The following NRP1 variants were observed in gnomAD, a reference collection of about 807,000 sequenced individuals.
The protein encoded by NRP1 is neuropilin-1.
Under a neutral mutation model 106.7 loss-of-function variants are expected in NRP1, and 35 were observed. That is an observed-to-expected ratio of 0.33 (90% confidence interval 0.25 to 0.43). The LOEUF (loss-of-function observed/expected upper bound fraction) is 0.43. Among genes scored for constraint, NRP1 ranks in the 20% least tolerant of loss-of-function variants. NRP1 has a pLI of 1.00. For missense variants in NRP1, 1,024 were observed against 1,170.4 expected, an observed-to-expected ratio of 0.87 and a Z score of 1.83; for synonymous variants, 437 against 417.9, an observed-to-expected ratio of 1.05 and a Z score of -0.56.
At position 33,287,433 on chromosome 10, in the gene NRP1, C is replaced by T. The variant is rs138257609; in HGVS notation, c.249-16577G>A. Among the ~76,000 whole-genome samples, 46 of 152,216 alleles carry T rather than the reference C, an allele frequency of 3.0e-4. No homozygotes were observed. The East Asian group carries it at 8.1e-3, about 27-fold the overall frequency. ...AACAGGAAAGGATTCTTAGCATGTA[C>T]GACATACATAATTTTTGGTGGAAAA... On this transcript the variant is annotated intron_variant, in intron 2 of 16. Transcript: ENST00000374867.
intron 2 of NRP1, among the ~76,000 whole-genome samples, chr10:33,319,941 G>C (rs952021957): frequency 6.6e-6 from 1 of 151,712 alleles, no homozygotes; most frequent in East Asian, 2.0e-4. Flanking sequence ...CCCCAGTTCC[G>C]TTCTTGGTCA....
In NRP1 at chr10:33,199,404, T is replaced by A. The variant is rs1382753343; in HGVS notation, c.1865-1695A>T. 5.1e-3 allele frequency among the ~76,000 whole-genome samples: 551 copies of A among 107,308 alleles called. 3 individuals are homozygous for A. Among genetic ancestry groups the A allele is most frequent in the African/African-American group, 0.019 (506 of 26,366 alleles). 70.4% of individuals were successfully genotyped at this position (107,308 alleles called of 152,430 possible). A position where few individuals can be genotyped will look rare whatever the true frequency, so the allele number is the denominator to read the frequency against. ...ATATATATATATTTTTTTTTTTTTT[T>A]TTTTTTTTTTTTTTTTTGGCGGAGA... On this transcript the variant is annotated intron_variant, in intron 11 of 16. Transcript: ENST00000374867.
Position 33,213,609 on chromosome 10 carries a change from A to C in NRP1, c.1391T>G (p.Leu464Arg), listed in dbSNP as rs200660300. The change falls in exon 9 of 17, where the codon CTG (leucine) becomes CGG (arginine). Residue 464 changes from leucine to arginine, a missense_variant. Transcript: ENST00000374867. ...DRNWMPENIRLVTSRSGWALP... is the reference protein window; with the variant it reads ...DRNWMPENIRRVTSRSGWALP... ...TGCCCAGCCAGAGCGACTGGTTACC[A>C]GGCGGATGTTTTCAGGCATCCAGTT... The C allele has an allele frequency of 6.2e-7, 1 of 1,614,110 alleles. No homozygotes were observed. The highest frequency in any genetic ancestry group is 8.5e-7 in the Non-Finnish European group (1 of 1,180,038).
chr10:33,303,567 CCTTA>C (rs1335717309), intron 2 of NRP1, among the ~76,000 whole-genome samples: 3 of 152,124 alleles, frequency 2.0e-5, no homozygotes, highest in African/African-American at 4.8e-5. Context: ...ATGACCTGGG[CCTTA>C]CTTCATTGTA....
intron 2 of NRP1, among the ~76,000 whole-genome samples, chr10:33,330,212 T>C (rs1848174708): frequency 6.6e-6 from 1 of 152,196 alleles, no homozygotes; most frequent in East Asian, 1.9e-4. Flanking sequence ...GCTTTTTCCA[T>C]GTCAAACTTA....
intron 2 of NRP1, among the ~76,000 whole-genome samples, chr10:33,279,053 T>C (rs570022578): frequency 8.2e-4 from 125 of 152,298 alleles, no homozygotes; most frequent in African/African-American, 2.9e-3. Flanking sequence ...TAATAATTGA[T>C]TGTGCATGGG....
chr10:33,329,391 C>A (rs1426881889), intron 2 of NRP1, among the ~76,000 whole-genome samples: 1 of 152,144 alleles, frequency 6.6e-6, no homozygotes, highest in Non-Finnish European at 1.5e-5. Context: ...ACCAAATGAC[C>A]TCATCTCTCT....
chr10:33,232,636 T>C (rs911695037), intron 6 of NRP1, among the ~76,000 whole-genome samples: 1 of 144,880 alleles, frequency 6.9e-6, no homozygotes, highest in African/African-American at 2.6e-5. Flanking sequence ...CTTTTTCTTT[T>C]CCTTTTTTTT....
chr10:33,217,722 G>A (rs1056784327), intron 8 of NRP1, among the ~76,000 whole-genome samples: 2 of 152,156 alleles, frequency 1.3e-5, no homozygotes, highest in African/African-American at 4.8e-5. Flanking sequence ...TGTCTTGTTT[G>A]TCTGCGTCAA....
chr10:33,213,625 G>T lies in NRP1; in HGVS notation c.1375C>A (p.Pro459Thr), dbSNP rs777648377. Residue 459 changes from proline (P) to threonine (T), a missense_variant, in exon 9 of 17, where the codon CCT (proline) becomes ACT (threonine). By Grantham distance (38) the Pro-to-Thr change is conservative. Around this residue, in one of 5 missense-constraint regions of NRP1, gnomAD observed 562 missense variants for 620.3 expected, o/e 0.91. Coordinates refer to ENST00000374867, the MANE Select transcript of NRP1 (RefSeq NM_003873.7). ...CTGGTTACCAGGCGGATGTTTTCAGGCATCCAGTTTCTGTCCCCTTGGTTG... is the reference window on the plus strand; with the variant it reads ...CTGGTTACCAGGCGGATGTTTTCAGTCATCCAGTTTCTGTCCCCTTGGTTG... The part of the protein sequence containing the change: ...SSNQGDRNWM[P>T]ENIRLVTSRS... 66 of 1,614,100 alleles carry T rather than the reference G, an allele frequency of 4.1e-5. No homozygotes were observed. The highest frequency in any genetic ancestry group is 5.5e-5 in the Non-Finnish European group (65 of 1,180,016).
chr10:33,238,058 T>G (rs1840721670), intron 6 of NRP1, among the ~76,000 whole-genome samples: 1 of 152,194 alleles, frequency 6.6e-6, no homozygotes, highest in Non-Finnish European at 1.5e-5. Flanking sequence ...TCCTTGTAGG[T>G]AAACTTGAAG....
chr10:33,185,596 C>G (rs374641720), intron 15 of NRP1, 32 bp downstream of exon 15: 1 of 1,513,462 alleles, frequency 6.6e-7, no homozygotes, highest in South Asian at 1.1e-5. Flanking sequence ...TGGGCAAGCA[C>G]TCCATTGGTT....
At chr10:33,186,581 G>A in intron 13 of NRP1, 93 bp from the exon 14 acceptor site, 1 of 1,443,896 alleles carries the variant, frequency 6.9e-7, no homozygotes, top group Non-Finnish European at 9.3e-7. Flanking sequence ...AAAGCTTCCT[G>A]CGCTGAGCAC....
intron 6 of NRP1, among the ~76,000 whole-genome samples, chr10:33,242,728 G>A (rs1841113416): frequency 1.3e-5 from 2 of 152,090 alleles, no homozygotes; most frequent in African/African-American, 2.4e-5. Flanking sequence ...TGCACCTGTA[G>A]CCATTTGCCT....
At chr10:33,251,859 G>A (rs1841882559) in intron 6 of NRP1, among the ~76,000 whole-genome samples, 1 of 152,138 alleles carries the variant, frequency 6.6e-6, no homozygotes, top group African/African-American at 2.4e-5. Flanking sequence ...GGAGTGCTGG[G>A]AAGGCAAGAG....
In NRP1 at chr10:33,180,110, TTG is replaced by T; in HGVS notation, c.2736_2737del (p.Asp912GlufsTer36). ...CGAATAAGTACTCTGTGTATTCAGT[TTG>T]TCTTTTTTCAACTTCACACCATCCA... is the stretch of plus-strand genomic sequence containing the variant. On this transcript the variant is annotated frameshift_variant, in exon 17 of 17. Coordinates refer to ENST00000374867, the MANE Select transcript of NRP1 (RefSeq NM_003873.7). LOFTEE classifies it high-confidence loss of function. 1 of 1,614,160 alleles carries T rather than the reference TTG, an allele frequency of 6.2e-7. No individual in the cohort carries two copies. Among genetic ancestry groups the T allele is most frequent in the African/African-American group, 1.3e-5 (1 of 75,030 alleles).
chr10:33,179,960 G>C lies in NRP1; in HGVS notation c.*116C>G. 2.9e-6 allele frequency: 3 copies of C among 1,042,296 alleles called. No individual in the cohort carries two copies. The highest frequency in any genetic ancestry group is 4.3e-6 in the Non-Finnish European group (3 of 701,980). The allele number at this position is 1,042,296 out of a possible 1,614,324, so 64.6% of individuals were successfully genotyped here. ...TCATTGAAGCTCCTGAGAAAAGCCT[G>C]GCTCAGTGGTCATCAACACACTTCC... On this transcript the variant is annotated 3_prime_UTR_variant, in exon 17 of 17. Transcript: ENST00000374867.
At chr10:33,249,515 C>T (rs564687837) in intron 6 of NRP1, 24 of 531,258 alleles carry the variant, frequency 4.5e-5, no homozygotes, top group Middle Eastern at 6.4e-4. Flanking sequence ...AGATTTTGAT[C>T]GCACCACTGA....
chr10:33,321,528 T>C (rs182144602), intron 2 of NRP1, among the ~76,000 whole-genome samples: 2 of 152,364 alleles, frequency 1.3e-5, no homozygotes, highest in African/African-American at 4.8e-5. Flanking sequence ...GTGTCTGTTT[T>C]TTAATCTTTA....
Sources: gnomAD v4.1 joint callset for allele counts (sites outside exome capture counted in the v4.1 genomes callset) on GRCh38, gnomAD v4.1.1 for gene constraint, gnomAD v4.1.1 regional missense constraint, MANE v1.5 for transcripts, NCBI Gene and HGNC (gene_info 2026-07-23, HGNC 2026-07-21) for gene names.